Variants in FRMD4A observed in about 807,000 individuals in gnomAD.
FRMD4A encodes the protein FERM domain containing 4A.
FRMD4A carries 29 observed loss-of-function variants against 129.1 expected under a neutral mutation model. The ratio of observed to expected loss-of-function variants is 0.22; its 90% CI spans 0.17 to 0.31. FRMD4A has a LOEUF of 0.31. Ranked by LOEUF, FRMD4A falls within the 10% of genes least tolerant of loss-of-function variation. FRMD4A has a pLI of 1.00. For missense variants in FRMD4A, 1,272 were observed against 1,375.8 expected (o/e 0.92, Z 1.19); for synonymous variants, 634 against 571.6 (o/e 1.11, Z -1.56).
chr10:13,860,265 C>G (rs1564926643), intron 2 of FRMD4A, among the ~76,000 whole-genome samples: 2 of 152,274 alleles, frequency 1.3e-5, no homozygotes, highest in Non-Finnish European at 1.5e-5. Context: ...TCATAGAAAA[C>G]AGTTAAGTGC....
intron 2 of FRMD4A, among the ~76,000 whole-genome samples, chr10:14,027,142 A>G (rs1833021387): frequency 6.6e-6 from 1 of 152,170 alleles, no homozygotes; most frequent in South Asian, 2.1e-4. Context: ...ATTTGGACAA[A>G]ATGTTTTTAA....
chr10:13,877,509 T>C (rs12775399), intron 2 of FRMD4A, among the ~76,000 whole-genome samples: 7,219 of 152,198 alleles, frequency 0.047, 173 homozygotes, highest in South Asian at 0.073. Context: ...CCCAGTTCCA[T>C]GAGGTCAAAA....
intron 2 of FRMD4A, among the ~76,000 whole-genome samples, chr10:13,913,925 C>G (rs543330040): frequency 9.2e-5 from 14 of 152,260 alleles, no homozygotes; most frequent in African/African-American, 3.4e-4. Flanking sequence ...GACGGGGAGA[C>G]GCAGAGGCCT....
At chr10:13,940,859 C>T (rs371337995) in intron 2 of FRMD4A, among the ~76,000 whole-genome samples, 24 of 152,278 alleles carry the variant, frequency 1.6e-4, no homozygotes, top group East Asian at 1.2e-3. Context: ...TCCAACCCTC[C>T]GGTAAACCAT....
Position 13,703,004 on chromosome 10 carries a change from C to T in FRMD4A, c.837-1526G>A, listed in dbSNP as rs112688339. 3.8e-3 allele frequency among the ~76,000 whole-genome samples: 576 copies of T among 151,836 alleles called. 1 individual carries two copies. Among genetic ancestry groups the T allele is most frequent in the Admixed American group, 8.2e-3 (125 of 15,268 alleles). On this transcript the variant is annotated intron_variant, in intron 13 of 24. Transcript: ENST00000357447. ...CCAGGGAGAGAGCGAGGGGGAGATC[C>T]CTCGCCAGTCTCTCTAAATTTAAAA...
At chr10:14,232,169 C>T (rs1042680389) in intron 2 of FRMD4A, among the ~76,000 whole-genome samples, 1 of 152,280 alleles carries the variant, frequency 6.6e-6, no homozygotes, top group Middle Eastern at 3.4e-3. Flanking sequence ...TATCCCAGCA[C>T]CCATTATTGA....
chr10:13,810,610 T>C (rs1188191149), intron 4 of FRMD4A, among the ~76,000 whole-genome samples: 1 of 152,216 alleles, frequency 6.6e-6, no homozygotes, highest in African/African-American at 2.4e-5. Context: ...TTTTATAATA[T>C]TAGTATCACC....
At chr10:13,952,752 A>G (rs547619933) in intron 2 of FRMD4A, among the ~76,000 whole-genome samples, 311 of 152,214 alleles carry the variant, frequency 2.0e-3, no homozygotes, top group African/African-American at 7.2e-3. Context: ...GGAGTGCAGT[A>G]GCATGATCTC....
At chr10:14,009,248 T>C (rs1267331207) in intron 2 of FRMD4A, among the ~76,000 whole-genome samples, 7 of 152,170 alleles carry the variant, frequency 4.6e-5, no homozygotes, top group Non-Finnish European at 1.0e-4. Flanking sequence ...CTTATTTCCA[T>C]AGCAGAAAAA....
intron 2 of FRMD4A, among the ~76,000 whole-genome samples, chr10:14,251,119 G>T (rs954544155): frequency 3.9e-5 from 6 of 152,060 alleles, no homozygotes; most frequent in African/African-American, 1.4e-4. Flanking sequence ...CCCACCTCTT[G>T]GTAGTTACTC....
intron 2 of FRMD4A, among the ~76,000 whole-genome samples, chr10:14,089,674 A>G (rs975947092): frequency 6.6e-6 from 1 of 151,918 alleles, no homozygotes; most frequent in Non-Finnish European, 1.5e-5. Context: ...GAAATAAAAG[A>G]ACCAGACTGT....
chr10:13,818,852 A>T (rs1391722296), intron 3 of FRMD4A, among the ~76,000 whole-genome samples: 1 of 152,168 alleles, frequency 6.6e-6, no homozygotes, highest in East Asian at 1.9e-4. Flanking sequence ...ATGGCCAGGC[A>T]CGGTGGCTCA....
chr10:13,934,386 T>C (rs960504121), intron 2 of FRMD4A, among the ~76,000 whole-genome samples: 1 of 152,216 alleles, frequency 6.6e-6, no homozygotes, highest in Non-Finnish European at 1.5e-5. Context: ...ATCCACTTCA[T>C]TCACTGAATT....
chr10:13,750,077 A>AAAGG (rs2091507240), intron 8 of FRMD4A, among the ~76,000 whole-genome samples: 1 of 73,752 alleles, frequency 1.4e-5, no homozygotes, highest in Non-Finnish European at 3.0e-5. Context: ...AGGAAGAAAG[A>AAAGG]AAGAAAGAAA....
At chr10:13,737,679 A>G (rs2090721429) in intron 12 of FRMD4A, among the ~76,000 whole-genome samples, 165 bp downstream of exon 12, 1 of 152,082 alleles carries the variant, frequency 6.6e-6, no homozygotes, top group Non-Finnish European at 1.5e-5. Context: ...ATATTTACCC[A>G]GGGAACTCAG....
At chr10:14,124,025 T>C (rs1462402482) in intron 2 of FRMD4A, among the ~76,000 whole-genome samples, 1 of 152,142 alleles carries the variant, frequency 6.6e-6, no homozygotes, top group Non-Finnish European at 1.5e-5. Context: ...GGCAAATATT[T>C]GATCAAAAGT....
intron 9 of FRMD4A, among the ~76,000 whole-genome samples, chr10:13,742,365 A>T (rs2091058682): frequency 6.6e-6 from 1 of 152,086 alleles, no homozygotes; most frequent in South Asian, 2.1e-4. Context: ...TGTGGAGTCG[A>T]CACCTCGGTC....
intron 2 of FRMD4A, among the ~76,000 whole-genome samples, chr10:13,960,308 A>G (rs909303600): frequency 1.3e-5 from 2 of 152,254 alleles, no homozygotes; most frequent in Non-Finnish European, 2.9e-5. Context: ...CTTATTTTGG[A>G]AACAGACGCT....
At chr10:14,263,466 C>T (rs559170965) in intron 2 of FRMD4A, among the ~76,000 whole-genome samples, 51 of 152,278 alleles carry the variant, frequency 3.3e-4, no homozygotes, top group African/African-American at 9.9e-4. Flanking sequence ...ATCCATTCCA[C>T]GTGCTCTGAG....
Sources: gnomAD v4.1 joint callset for allele counts (sites outside exome capture counted in the v4.1 genomes callset) on GRCh38, gnomAD v4.1.1 for gene constraint, MANE v1.5 for transcripts, NCBI Gene and HGNC (gene_info 2026-07-23, HGNC 2026-07-21) for gene names.